Variants in DPP10 observed in about 807,000 individuals in gnomAD.
DPP10 encodes dipeptidyl peptidase like 10, also known as inactive dipeptidyl peptidase 10.
A neutral mutation model predicts 120.9 loss-of-function variants in DPP10; 33 were observed. That is an observed-to-expected ratio of 0.27 (90% CI 0.21 to 0.37). The LOEUF (loss-of-function observed/expected upper bound fraction) is 0.37, where lower values mean the gene tolerates loss of function less well. Ranked by LOEUF, DPP10 falls within the 10% of genes least tolerant of loss-of-function variation. DPP10 has a pLI of 1.00. For missense variants in DPP10, 816 were observed against 942.8 expected (o/e 0.87, Z 1.76); for synonymous variants, 337 against 326.1 (o/e 1.03, Z -0.36).
intron 1 of DPP10, among the ~76,000 whole-genome samples, chr2:115,174,146 C>A (rs1215595110): frequency 1.3e-5 from 2 of 152,104 alleles, no homozygotes; most frequent in South Asian, 4.1e-4. Context: ...GGTTAACTAT[C>A]ATGGTTTGTG....
At chr2:115,255,850 C>A (rs917589553) in intron 1 of DPP10, among the ~76,000 whole-genome samples, 4 of 152,176 alleles carry the variant, frequency 2.6e-5, no homozygotes, top group Admixed American at 1.3e-4. Flanking sequence ...AAGTTCCAAA[C>A]CTTCCCACAT....
intron 1 of DPP10, among the ~76,000 whole-genome samples, chr2:115,093,384 C>G (rs1034119044): frequency 6.6e-6 from 1 of 152,012 alleles, no homozygotes; most frequent in African/African-American, 2.4e-5. Flanking sequence ...AGAAACTACA[C>G]TGTGTTATTA....
intron 1 of DPP10, among the ~76,000 whole-genome samples, chr2:114,856,982 C>T (rs1212928490): frequency 6.6e-6 from 1 of 151,854 alleles, no homozygotes; most frequent in Non-Finnish European, 1.5e-5. Context: ...TTGCTAGAAA[C>T]ATATTATTAC....
At chr2:115,126,920 C>T (rs752468518) in intron 1 of DPP10, among the ~76,000 whole-genome samples, 21 of 152,132 alleles carry the variant, frequency 1.4e-4, no homozygotes, top group Admixed American at 7.2e-4. Context: ...TACCTAAAAC[C>T]ACAAAATATA....
intron 1 of DPP10, among the ~76,000 whole-genome samples, chr2:114,518,990 C>T (rs1684831888): frequency 6.6e-6 from 1 of 152,194 alleles, no homozygotes; most frequent in Non-Finnish European, 1.5e-5. Flanking sequence ...TAGGCTTTAA[C>T]TTAAGACACT....
chr2:115,777,740 A>C (rs965546419), intron 14 of DPP10, 47 bp from the exon 15 acceptor site: 1 of 1,594,102 alleles, frequency 6.3e-7, no homozygotes. Flanking sequence ...CAGATCACAA[A>C]AAATAGATCT....
intron 1 of DPP10, among the ~76,000 whole-genome samples, chr2:114,619,685 T>C (rs1472998322): frequency 6.6e-6 from 1 of 152,044 alleles, no homozygotes; most frequent in African/African-American, 2.4e-5. Flanking sequence ...ACATCAGGTC[T>C]ATGATCGCCA....
At chr2:114,546,689 C>T (rs532506963) in intron 1 of DPP10, among the ~76,000 whole-genome samples, 2 of 152,292 alleles carry the variant, frequency 1.3e-5, no homozygotes, top group Non-Finnish European at 2.9e-5. Flanking sequence ...GCAAAGTGTT[C>T]TAGTTAATGA....
At chr2:115,266,582 A>G (rs2059471445) in intron 1 of DPP10, among the ~76,000 whole-genome samples, 1 of 152,184 alleles carries the variant, frequency 6.6e-6, no homozygotes, top group South Asian at 2.1e-4. Context: ...TTCATGTTTT[A>G]AAAGCATTAT....
intron 5 of DPP10, among the ~76,000 whole-genome samples, chr2:115,587,094 T>TG (rs1264439821): frequency 6.9e-6 from 1 of 144,064 alleles, no homozygotes; most frequent in Non-Finnish European, 1.5e-5. Flanking sequence ...TCTTTCTTTT[T>TG]TTTTTTTTTT....
intron 1 of DPP10, among the ~76,000 whole-genome samples, chr2:115,217,521 G>A (rs915381866): frequency 6.6e-6 from 1 of 152,144 alleles, no homozygotes; most frequent in South Asian, 2.1e-4. Flanking sequence ...TCAGAAGCTA[G>A]CACATGTCAG....
At chr2:115,746,018 C>T in intron 9 of DPP10, 68 bp from the exon 10 acceptor site, 3 of 1,138,010 alleles carry the variant, frequency 2.6e-6, no homozygotes, top group Non-Finnish European at 2.5e-6. Flanking sequence ...ATCAAAAATC[C>T]TTTTCTTTTT....
At chr2:115,202,130 T>A (rs1286944975) in intron 1 of DPP10, among the ~76,000 whole-genome samples, 1 of 152,190 alleles carries the variant, frequency 6.6e-6, no homozygotes, top group Non-Finnish European at 1.5e-5. Context: ...AGTCTTGCTG[T>A]GTTTTCCATG....
At chr2:115,651,151 T>C (rs1055520017) in intron 5 of DPP10, among the ~76,000 whole-genome samples, 1 of 152,034 alleles carries the variant, frequency 6.6e-6, no homozygotes, top group African/African-American at 2.4e-5. Flanking sequence ...CATCACCTAG[T>C]AGTAACTAGT....
chr2:114,703,978 TCC>T (rs899372142), intron 1 of DPP10, among the ~76,000 whole-genome samples: 5 of 152,090 alleles, frequency 3.3e-5, no homozygotes, highest in Non-Finnish European at 5.9e-5. Context: ...TGGGCCTTTT[TCC>T]TACTGCCTCC....
intron 1 of DPP10, among the ~76,000 whole-genome samples, chr2:115,196,797 G>GAACA (rs1468420517): frequency 2.0e-5 from 3 of 152,196 alleles, no homozygotes; most frequent in Non-Finnish European, 4.4e-5. Context: ...ATATGGATGT[G>GAACA]TGGGTGTGGT....
intron 1 of DPP10, among the ~76,000 whole-genome samples, chr2:114,704,399 G>A (rs1389889235): frequency 1.3e-5 from 2 of 152,134 alleles, no homozygotes; most frequent in Non-Finnish European, 2.9e-5. Flanking sequence ...CAGAGATAGG[G>A]ACGCTATGTG....
intron 1 of DPP10, among the ~76,000 whole-genome samples, chr2:115,290,773 C>A (rs529614606): frequency 6.6e-6 from 1 of 152,102 alleles, no homozygotes; most frequent in Admixed American, 6.5e-5. Context: ...CATGCACTTG[C>A]AACAAGATTG....
intron 1 of DPP10, among the ~76,000 whole-genome samples, chr2:115,024,833 A>G (rs555581893): frequency 2.7e-5 from 4 of 148,078 alleles, no homozygotes; most frequent in South Asian, 4.2e-4. Context: ...ATGGCCATAT[A>G]TGTGTGTGTG....
Sources: gnomAD v4.1 joint callset for allele counts (sites outside exome capture counted in the v4.1 genomes callset) on GRCh38, gnomAD v4.1.1 for gene constraint, MANE v1.5 for transcripts, NCBI Gene and HGNC (gene_info 2026-07-23, HGNC 2026-07-21) for gene names.